The following CCSER1 variants were observed in gnomAD, a reference collection of about 807,000 sequenced individuals.
The protein encoded by CCSER1 is coiled-coil serine rich protein 1, also known as serine-rich coiled-coil domain-containing protein 1.
A neutral mutation model predicts 82.0 loss-of-function variants in CCSER1; 41 were observed. The observed-to-expected ratio is 0.50, with a 90% CI of 0.39 to 0.65. CCSER1 has a LOEUF of 0.65. Among genes scored for constraint, CCSER1 ranks in the 30% least tolerant of loss-of-function variants. The pLI, the probability that CCSER1 is intolerant of heterozygous loss-of-function variation, is 0.00. For missense variants in CCSER1, 1,119 were observed against 1,064.2 expected, an observed-to-expected ratio of 1.05 and a Z score of -0.72; for synonymous variants, 414 against 383.9, an observed-to-expected ratio of 1.08 and a Z score of -0.92.
chr4:90,254,757 A>G (rs60666775), intron 1 of CCSER1, among the ~76,000 whole-genome samples: 6,809 of 152,098 alleles, frequency 0.045, 396 homozygotes, highest in African/African-American at 0.13. Flanking sequence ...CATGCCATAG[A>G]CTGTCACTTA....
chr4:90,587,076 C>T (rs75174581), intron 5 of CCSER1, among the ~76,000 whole-genome samples: 3,936 of 152,258 alleles, frequency 0.026, 141 homozygotes, highest in African/African-American at 0.078. Context: ...GACTCAATCA[C>T]CATTATACTG....
chr4:90,626,847 T>C (rs1482728052), intron 5 of CCSER1, among the ~76,000 whole-genome samples: 1 of 152,342 alleles, frequency 6.6e-6, no homozygotes, highest in African/African-American at 2.4e-5. Flanking sequence ...AAGAACTATA[T>C]AAATATTAGC....
At chr4:91,313,186 TA>T (rs960987276) in intron 10 of CCSER1, among the ~76,000 whole-genome samples, 1 of 151,956 alleles carries the variant, frequency 6.6e-6, no homozygotes, top group African/African-American at 2.4e-5. Context: ...TACTTAAACA[TA>T]TTTTCTATGC....
intron 10 of CCSER1, among the ~76,000 whole-genome samples, chr4:91,379,927 A>C (rs1206970428): frequency 1.3e-5 from 2 of 152,192 alleles, no homozygotes; most frequent in African/African-American, 4.8e-5. Context: ...AATGTGTCCC[A>C]GAGATTCTGG....
At chr4:90,549,013 T>C (rs1158662780) in intron 5 of CCSER1, among the ~76,000 whole-genome samples, 3 of 152,028 alleles carry the variant, frequency 2.0e-5, no homozygotes, top group Admixed American at 2.0e-4. Flanking sequence ...ATAACAACAG[T>C]CTTAGGAACA....
At chr4:91,105,134 A>T (rs1725474181) in intron 10 of CCSER1, among the ~76,000 whole-genome samples, 1 of 151,696 alleles carries the variant, frequency 6.6e-6, no homozygotes, top group African/African-American at 2.4e-5. Flanking sequence ...CTTATATGAT[A>T]GAACATGAAG....
chr4:91,388,527 AT>A (rs2149346840), intron 10 of CCSER1, among the ~76,000 whole-genome samples: 2 of 152,168 alleles, frequency 1.3e-5, no homozygotes, highest in South Asian at 4.1e-4. Context: ...ATCACCAATG[AT>A]TGAGGGTTCC....
At chr4:91,335,551 C>A (rs1359416779) in intron 10 of CCSER1, among the ~76,000 whole-genome samples, 1 of 152,066 alleles carries the variant, frequency 6.6e-6, no homozygotes, top group Admixed American at 6.6e-5. Flanking sequence ...GACTGTTTTT[C>A]TCACGGGGAG....
intron 10 of CCSER1, among the ~76,000 whole-genome samples, chr4:91,318,852 C>G (rs1690134387): frequency 6.6e-6 from 1 of 151,934 alleles, no homozygotes; most frequent in Admixed American, 6.6e-5. Flanking sequence ...TACACAGCTG[C>G]CTTTTTAACG....
At chr4:90,771,103 T>A (rs1437277405) in intron 7 of CCSER1, among the ~76,000 whole-genome samples, 1 of 152,140 alleles carries the variant, frequency 6.6e-6, no homozygotes, top group East Asian at 1.9e-4. Flanking sequence ...TGGAATTTAA[T>A]GCATTGTTGG....
chr4:90,547,124 A>G (rs1273920056), intron 5 of CCSER1, among the ~76,000 whole-genome samples: 2 of 151,814 alleles, frequency 1.3e-5, no homozygotes, highest in Admixed American at 1.3e-4. Flanking sequence ...AATTCATATG[A>G]GATAAGTTTT....
At chr4:91,001,977 G>T (rs1024721697) in intron 9 of CCSER1, among the ~76,000 whole-genome samples, 1 of 152,112 alleles carries the variant, frequency 6.6e-6, no homozygotes, top group Non-Finnish European at 1.5e-5. Flanking sequence ...CAGAGCATTT[G>T]TCTGAAAAAG....
intron 6 of CCSER1, among the ~76,000 whole-genome samples, chr4:90,703,575 T>A (rs1403563809): frequency 6.6e-6 from 1 of 152,210 alleles, no homozygotes; most frequent in African/African-American, 2.4e-5. Context: ...CAGTGGGGTG[T>A]TAAAGTCTCC....
At chr4:90,288,844 A>C (rs1267411285) in intron 1 of CCSER1, among the ~76,000 whole-genome samples, 1 of 151,948 alleles carries the variant, frequency 6.6e-6, no homozygotes, top group Non-Finnish European at 1.5e-5. Context: ...CAAATTTATG[A>C]ATTCAGATTC....
At chr4:90,379,385 G>A (rs1413229493) in intron 3 of CCSER1, among the ~76,000 whole-genome samples, 3 of 152,126 alleles carry the variant, frequency 2.0e-5, no homozygotes, top group African/African-American at 7.2e-5. Flanking sequence ...AGAGGTTAAT[G>A]CCATCTATAG....
At chr4:90,751,478 C>A (rs1748652447) in intron 7 of CCSER1, among the ~76,000 whole-genome samples, 1 of 152,002 alleles carries the variant, frequency 6.6e-6, no homozygotes, top group African/African-American at 2.4e-5. Flanking sequence ...TGTTTACATT[C>A]TTCTCAAGAG....
At chr4:91,033,929 T>G (rs1581387549) in intron 9 of CCSER1, among the ~76,000 whole-genome samples, 1 of 152,126 alleles carries the variant, frequency 6.6e-6, no homozygotes, top group African/African-American at 2.4e-5. Flanking sequence ...TGCCTCTAAG[T>G]CCCTGGTGAT....
chr4:91,017,002 G>A (rs1370191607), intron 9 of CCSER1, among the ~76,000 whole-genome samples: 1 of 152,054 alleles, frequency 6.6e-6, no homozygotes, highest in African/African-American at 2.4e-5. Context: ...AAGAGAAACT[G>A]GTCTAAGTCT....
At chr4:91,077,411 A>G (rs369126106) in intron 9 of CCSER1, among the ~76,000 whole-genome samples, 1 of 152,256 alleles carries the variant, frequency 6.6e-6, no homozygotes, top group African/African-American at 2.4e-5. Flanking sequence ...CCAATAAAAA[A>G]TTACTGGACA....
Sources: gnomAD v4.1 joint callset for allele counts (sites outside exome capture counted in the v4.1 genomes callset) on GRCh38, gnomAD v4.1.1 for gene constraint, MANE v1.5 for transcripts, NCBI Gene and HGNC (gene_info 2026-07-23, HGNC 2026-07-21) for gene names.